Variants in MAP3K2 observed in about 807,000 individuals in gnomAD.
The protein encoded by MAP3K2 is MAP/ERK kinase kinase 2.
A neutral mutation model predicts 80.3 loss-of-function variants in MAP3K2; 24 were observed. That is an observed-to-expected ratio of 0.30 (90% CI 0.22 to 0.42). The LOEUF (loss-of-function observed/expected upper bound fraction) is 0.42. Among genes scored for constraint, MAP3K2 ranks in the 10% least tolerant of loss-of-function variants. The pLI is 1.00. For synonymous variants in MAP3K2, 244 were observed against 253.7 expected (o/e 0.96, Z 0.36); for missense variants, 608 against 750.1 (o/e 0.81, Z 2.21).
intron 10 of MAP3K2, 89 bp from the exon 11 acceptor site, chr2:127,324,083 T>G (rs1053009081): frequency 1.1e-5 from 12 of 1,117,836 alleles, no homozygotes; most frequent in Non-Finnish European, 1.5e-5. Flanking sequence ...AAATCTTTAT[T>G]TGACTTTTCA....
chr2:127,345,449 G>A (rs574924233), intron 1 of MAP3K2, among the ~76,000 whole-genome samples: 8 of 152,260 alleles, frequency 5.3e-5, no homozygotes, highest in East Asian at 1.9e-4. Context: ...AATGCCCTGC[G>A]TTCAATAACG....
In MAP3K2 at chr2:127,308,777, T is replaced by A; in HGVS notation, c.1457-15A>T. ...GATATTTGCGCCTAAAAATAAGACA[T>A]TGCCTCATTTCATTAATTTTATTGG... On this transcript the variant is annotated splice_polypyrimidine_tract_variant and intron_variant, in intron 15 of 16. Coordinates refer to ENST00000682094, the MANE Select transcript of MAP3K2 (RefSeq NM_001371910.2). The A allele has an allele frequency of 6.2e-7, 1 of 1,605,596 alleles. No individual in the cohort carries two copies. The highest frequency in any genetic ancestry group is 8.5e-7 in the Non-Finnish European group (1 of 1,173,938).
rs758325538 is a variant in MAP3K2 at position 127,335,967 on chromosome 2, A to G, written c.167T>C (p.Ile56Thr). ...TTTAACTGGTCTGGGGAACTGAAGGATTCTATATAAACACAATTTTAAGAT... is the reference window on the plus strand; with the variant it reads ...TTTAACTGGTCTGGGGAACTGAAGGGTTCTATATAAACACAATTTTAAGAT... ...VKFEHRGEKR[I>T]LQFPRPVKLE... The change falls in exon 5 of 17, where the codon ATC becomes ACC. Residue 56 changes from isoleucine (I) to threonine (T), a missense_variant and splice_region_variant. This residue lies in a region of MAP3K2 where 467 missense variants were observed against 521.9 expected (regional missense o/e 0.89). Transcript: ENST00000682094. The G allele has an allele frequency of 6.6e-7, 1 of 1,523,682 alleles. No individual in the cohort carries two copies. Among genetic ancestry groups the G allele is most frequent in the Admixed American group, 2.0e-5 (1 of 51,256 alleles). The allele number at this position is 1,523,682 out of a possible 1,614,324, so 94.4% of individuals were successfully genotyped here.
rs191290963 is a variant in MAP3K2 at position 127,304,517 on chromosome 2, C to T, written c.*3062G>A. On this transcript the variant is annotated 3_prime_UTR_variant, in exon 17 of 17. Coordinates refer to ENST00000682094, the MANE Select transcript of MAP3K2 (RefSeq NM_001371910.2). ...TTCTCCAGCACCAAAAAGTCTGCCACTGTCAAAGCAGAATGCATTTTAAAG... is the reference window on the plus strand; with the variant it reads ...TTCTCCAGCACCAAAAAGTCTGCCATTGTCAAAGCAGAATGCATTTTAAAG... 1.3e-5 allele frequency: 2 copies of T among 152,452 alleles called. No individual in the cohort carries two copies. The highest frequency in any genetic ancestry group is 4.8e-5 in the African/African-American group (2 of 41,560). The allele number at this position is 152,452 out of a possible 1,614,324, so 9.4% of individuals were successfully genotyped here.
intron 1 of MAP3K2, among the ~76,000 whole-genome samples, chr2:127,368,509 C>T (rs1244741452): frequency 6.6e-6 from 1 of 151,526 alleles, no homozygotes; most frequent in African/African-American, 2.4e-5. Flanking sequence ...GTAGTCCCAG[C>T]TACTCAGGAG....
chr2:127,387,978 C>T (rs1011356063), upstream of MAP3K2: 1 of 984,196 alleles, frequency 1.0e-6, no homozygotes, highest in Non-Finnish European at 1.2e-6. Flanking sequence ...CCCGTGACGT[C>T]GGGCGTAGCG....
intron 2 of MAP3K2, among the ~76,000 whole-genome samples, chr2:127,340,720 T>C (rs1264752294): frequency 4.0e-5 from 6 of 151,784 alleles, no homozygotes; most frequent in African/African-American, 1.2e-4. Flanking sequence ...TGAACTCTAA[T>C]TCTTTTTTTA....
At chr2:127,309,944 G>A (rs1372196594) in intron 15 of MAP3K2, among the ~76,000 whole-genome samples, 3 of 152,062 alleles carry the variant, frequency 2.0e-5, no homozygotes, top group Non-Finnish European at 2.9e-5. Flanking sequence ...AATTCGCCAC[G>A]CACAGCCCAC....
intron 1 of MAP3K2, among the ~76,000 whole-genome samples, chr2:127,374,161 T>C (rs1439169161): frequency 6.6e-6 from 1 of 152,320 alleles, no homozygotes; most frequent in East Asian, 1.9e-4. Flanking sequence ...ATATTAGCCT[T>C]AGAAACTTTC....
At chr2:127,356,946 G>A (rs1375372371) in intron 1 of MAP3K2, among the ~76,000 whole-genome samples, 3 of 152,164 alleles carry the variant, frequency 2.0e-5, no homozygotes, top group African/African-American at 7.2e-5. Flanking sequence ...ACAACCTACA[G>A]AGTGGGAGAA....
Position 127,344,035 on chromosome 2 carries a change from AT to A in MAP3K2, c.-65-842del, listed in dbSNP as rs531423614. Reference sequence around the variant, plus strand: ...AGAAAAAAAAAAGTGTTTGTATACCATTGCAATTAAGTTGATATTACCTCAA... The same window carrying A: ...AGAAAAAAAAAAGTGTTTGTATACCATGCAATTAAGTTGATATTACCTCAA... On this transcript the variant is annotated intron_variant, in intron 1 of 16. Transcript: ENST00000682094. 5.9e-5 allele frequency among the ~76,000 whole-genome samples: 9 copies of A among 152,198 alleles called. No individual in the cohort carries two copies. The South Asian group carries it at 1.9e-3, about 32-fold the overall frequency.
intron 1 of MAP3K2, among the ~76,000 whole-genome samples, chr2:127,378,819 A>T (rs755666820): frequency 1.1e-4 from 17 of 152,082 alleles, no homozygotes; most frequent in Non-Finnish European, 2.1e-4. Flanking sequence ...CAGACCGGAA[A>T]GCAGCGGCAT....
At chr2:127,375,414 A>AT (rs775429874) in intron 1 of MAP3K2, among the ~76,000 whole-genome samples, 1,776 of 123,096 alleles carry the variant, frequency 0.014, 43 homozygotes, top group African/African-American at 0.045. Context: ...TTATTTATTT[A>AT]TTTATTTTTT....
rs1553518192 is a variant in MAP3K2, at chr2:127,350,454, C to CAAAAACAA, written c.-65-7261_-65-7260insTTGTTTTT. Among the ~76,000 whole-genome samples, 3 of 99,406 alleles carry CAAAAACAA rather than the reference C, an allele frequency of 3.0e-5. No homozygotes were observed. The East Asian group carries it at 8.0e-4, about 26-fold the overall frequency. 65.2% of individuals were successfully genotyped at this position (99,406 alleles called of 152,430 possible). On this transcript the variant is annotated intron_variant, in intron 1 of 16. Transcript: ENST00000682094. ...CCATCTCCTGAAACAAAAACAAAAACAAAAAAAAAAAAAAAAAGAAAGAAG... is the reference window on the plus strand; with the variant it reads ...CCATCTCCTGAAACAAAAACAAAAACAAAAACAAAAAAAAAAAAAAAAAAAGAAAGAAG...
In MAP3K2 at chr2:127,313,571, A is replaced by G. The variant is rs915128118; in HGVS notation, c.1456+1183T>C. ...GGAAGTGAAAGCCTGGGAGCTCGTA[A>G]GAGTCCCCAGCAAGACCAATGAGTA... On this transcript the variant is annotated intron_variant, in intron 15 of 16. Transcript: ENST00000682094. 2.0e-5 allele frequency among the ~76,000 whole-genome samples: 3 copies of G among 152,356 alleles called. No individual in the cohort carries two copies. In the South Asian group the frequency reaches 6.2e-4, roughly 32 times the overall value.
intron 1 of MAP3K2, among the ~76,000 whole-genome samples, chr2:127,360,512 G>C (rs1223929923): frequency 6.6e-6 from 1 of 152,158 alleles, no homozygotes; most frequent in Non-Finnish European, 1.5e-5. Context: ...AAAACTAGGG[G>C]TGACAGTTTG....
chr2:127,358,795 G>A (rs1390462456), intron 1 of MAP3K2, among the ~76,000 whole-genome samples: 1 of 152,088 alleles, frequency 6.6e-6, no homozygotes, highest in African/African-American at 2.4e-5. Flanking sequence ...AGCCGGGCAC[G>A]GTGGTGCATG....
chr2:127,348,630 TG>T (rs1397040219), intron 1 of MAP3K2, among the ~76,000 whole-genome samples: 1 of 152,066 alleles, frequency 6.6e-6, no homozygotes, highest in African/African-American at 2.4e-5. Flanking sequence ...AAGTATCTTT[TG>T]GGGGATGAGG....
At chr2:127,344,854 C>T (rs994027073) in intron 1 of MAP3K2, among the ~76,000 whole-genome samples, 1 of 152,022 alleles carries the variant, frequency 6.6e-6, no homozygotes, top group Non-Finnish European at 1.5e-5. Flanking sequence ...AATATGTTGC[C>T]TACAACAGAC....
Sources: allele counts gnomAD v4.1 joint callset (sites outside exome capture counted in the v4.1 genomes callset), GRCh38; gene constraint gnomAD v4.1.1; regional missense constraint gnomAD v4.1.1; transcripts MANE v1.5; gene names NCBI Gene and HGNC (gene_info 2026-07-23, HGNC 2026-07-21).